Variants in SNX29 observed in about 807,000 individuals in gnomAD.
The protein encoded by SNX29 is sorting nexin-29.
SNX29 carries 78 observed loss-of-function variants against 102.1 expected under a neutral mutation model. The ratio of observed to expected loss-of-function variants is 0.76; its 90% CI spans 0.64 to 0.92. SNX29 has a LOEUF of 0.92. SNX29 is among the 40% of genes least tolerant of loss of function. The probability of loss-of-function intolerance (pLI) is 0.00; values close to 1 mark genes in which losing one functional copy is unlikely to be tolerated. For missense variants in SNX29, 1,280 were observed against 1,061.7 expected (o/e 1.21, Z -2.86); for synonymous variants, 580 against 414.5 (o/e 1.40, Z -4.85).
intron 5 of SNX29, among the ~76,000 whole-genome samples, chr16:12,046,127 A>G (rs1438585294): frequency 3.3e-5 from 5 of 152,190 alleles, no homozygotes; most frequent in African/African-American, 7.2e-5. Context: ...TTATAAATAC[A>G]TTGACATATC....
Position 12,557,904 on chromosome 16 carries a change from C to G in SNX29, c.2319-10602C>G, listed in dbSNP as rs774703726. On this transcript the variant is annotated intron_variant, in intron 20 of 20. Transcript: ENST00000566228. ...GGCCTCTGCAGGCAACTGGAGGATTCTCAAGTCGTCAGGGCAGGCAGGCTG... is the reference window on the plus strand; with the variant it reads ...GGCCTCTGCAGGCAACTGGAGGATTGTCAAGTCGTCAGGGCAGGCAGGCTG... Among the ~76,000 whole-genome samples, 7 of 152,282 alleles carry G rather than the reference C, an allele frequency of 4.6e-5. No homozygotes were observed. The South Asian group carries it at 6.2e-4, about 14-fold the overall frequency.
chr16:12,463,617 A>G (rs2086910564), intron 18 of SNX29, among the ~76,000 whole-genome samples: 1 of 152,234 alleles, frequency 6.6e-6, no homozygotes, highest in Non-Finnish European at 1.5e-5. Context: ...TATGGGAGCT[A>G]CAATTCAAGA....
At chr16:12,280,531 G>GTT (rs5815678) in intron 15 of SNX29, among the ~76,000 whole-genome samples, 7 of 151,870 alleles carry the variant, frequency 4.6e-5, no homozygotes, top group Admixed American at 1.3e-4. Context: ...CTTCTTGTTT[G>GTT]TTTTTTTTAT....
chr16:12,008,061 A>T (rs1420691294), intron 3 of SNX29, among the ~76,000 whole-genome samples: 4 of 151,870 alleles, frequency 2.6e-5, no homozygotes, highest in African/African-American at 9.7e-5. Flanking sequence ...CTCCTGCCTC[A>T]GCCTCCCATG....
intron 20 of SNX29, among the ~76,000 whole-genome samples, chr16:12,533,828 C>T (rs1427497239): frequency 6.6e-6 from 1 of 152,196 alleles, no homozygotes; most frequent in African/African-American, 2.4e-5. Context: ...CCACTCCTCA[C>T]CAGGCTGATT....
At chr16:12,431,963 G>A (rs1831120322) in intron 18 of SNX29, among the ~76,000 whole-genome samples, 1 of 152,212 alleles carries the variant, frequency 6.6e-6, no homozygotes, top group African/African-American at 2.4e-5. Context: ...GTGCCCTGGG[G>A]ATATACTCAG....
At chr16:12,563,691 C>G (rs1435984635) in intron 20 of SNX29, among the ~76,000 whole-genome samples, 1 of 152,182 alleles carries the variant, frequency 6.6e-6, no homozygotes, top group Non-Finnish European at 1.5e-5. Context: ...GGGGTCTGGC[C>G]TCATGTAAGA....
At chr16:12,348,175 A>T (rs2081877064) in intron 15 of SNX29, among the ~76,000 whole-genome samples, 1 of 151,858 alleles carries the variant, frequency 6.6e-6, no homozygotes, top group Non-Finnish European at 1.5e-5. Flanking sequence ...CCTGGATTTG[A>T]CCTCCAGGGC....
At chr16:12,531,072 G>A (rs2076919409) in intron 20 of SNX29, among the ~76,000 whole-genome samples, 1 of 152,252 alleles carries the variant, frequency 6.6e-6, no homozygotes. Flanking sequence ...TTCTGGCTTA[G>A]AGGGTATGTG....
chr16:12,574,230 G>T lies in SNX29; in HGVS notation c.*5601G>T, dbSNP rs1229607566. On this transcript the variant is annotated 3_prime_UTR_variant, in exon 21 of 21. Transcript: ENST00000566228. Reference sequence around the variant, plus strand: ...GGAAATTTTGTTACAACCTGGTTGAGATCAACCTCTTTACAATGACACAAA... The same window carrying T: ...GGAAATTTTGTTACAACCTGGTTGATATCAACCTCTTTACAATGACACAAA... The T allele has an allele frequency of 5.6e-6, 1 of 177,142 alleles. No homozygotes were observed. Among genetic ancestry groups the T allele is most frequent in the Non-Finnish European group, 1.2e-5 (1 of 82,352 alleles). 11.0% of individuals were successfully genotyped at this position (177,142 alleles called of 1,614,324 possible).
At chr16:12,224,312 A>G (rs1368365317) in intron 14 of SNX29, among the ~76,000 whole-genome samples, 1 of 150,038 alleles carries the variant, frequency 6.7e-6, no homozygotes, top group African/African-American at 2.5e-5. Flanking sequence ...CTCCCTCTCA[A>G]TCCTTATTGC....
intron 20 of SNX29, among the ~76,000 whole-genome samples, chr16:12,540,285 A>G (rs2077270999): frequency 1.3e-5 from 2 of 152,148 alleles, no homozygotes; most frequent in Admixed American, 1.3e-4. Context: ...GGACAGGACT[A>G]GAGGCATTAC....
At chr16:12,157,575 C>T (rs1480236071) in intron 13 of SNX29, among the ~76,000 whole-genome samples, 3 of 152,156 alleles carry the variant, frequency 2.0e-5, no homozygotes, top group Non-Finnish European at 2.9e-5. Flanking sequence ...TATGCCTTTA[C>T]ATTGACACGA....
intron 9 of SNX29, among the ~76,000 whole-genome samples, chr16:12,065,003 G>C (rs1172017933): frequency 6.6e-6 from 1 of 152,230 alleles, no homozygotes; most frequent in Non-Finnish European, 1.5e-5. Context: ...AGTGGGGATA[G>C]TTAGAGAAGG....
At chr16:12,017,298 G>T (rs1418971674) in intron 3 of SNX29, among the ~76,000 whole-genome samples, 2 of 152,120 alleles carry the variant, frequency 1.3e-5, no homozygotes, top group East Asian at 3.8e-4. Flanking sequence ...ACTTTCTTGG[G>T]CTATTAGTGA....
chr16:12,554,263 G>C (rs904904536), intron 20 of SNX29, among the ~76,000 whole-genome samples: 1 of 152,206 alleles, frequency 6.6e-6, no homozygotes, highest in African/African-American at 2.4e-5. Context: ...CTGCCTTTTG[G>C]TGCATCTGTG....
chr16:12,545,143 A>G (rs867896294), intron 20 of SNX29, among the ~76,000 whole-genome samples: 1 of 152,222 alleles, frequency 6.6e-6, no homozygotes, highest in Non-Finnish European at 1.5e-5. Flanking sequence ...TAGCACAGCT[A>G]TGAAGTACAG....
chr16:12,549,733 G>A (rs1273501687), intron 20 of SNX29, among the ~76,000 whole-genome samples: 3 of 152,224 alleles, frequency 2.0e-5, no homozygotes, highest in South Asian at 2.1e-4. Flanking sequence ...TACAAAGTGT[G>A]TTCCAGCATT....
intron 19 of SNX29, among the ~76,000 whole-genome samples, chr16:12,495,250 C>T (rs999104349): frequency 6.6e-6 from 1 of 152,132 alleles, no homozygotes; most frequent in African/African-American, 2.4e-5. Flanking sequence ...CTCCCAGGTT[C>T]AAGCAATCCT....
Sources: gnomAD v4.1 joint callset for allele counts (sites outside exome capture counted in the v4.1 genomes callset) on GRCh38, gnomAD v4.1.1 for gene constraint, MANE v1.5 for transcripts, NCBI Gene and HGNC (gene_info 2026-07-23, HGNC 2026-07-21) for gene names.